Variants in SUGCT observed in about 807,000 individuals in gnomAD.
The protein encoded by SUGCT is succinyl-CoA:glutarate-CoA transferase.
A neutral mutation model predicts 55.0 loss-of-function variants in SUGCT; 41 were observed. That is an observed-to-expected ratio of 0.74 (90% CI 0.58 to 0.97). The LOEUF is 0.97. SUGCT is among the 50% of genes least tolerant of loss of function. The pLI is 0.00. For synonymous variants in SUGCT, 187 were observed against 200.4 expected (o/e 0.93, Z 0.56); for missense variants, 568 against 547.8 (o/e 1.04, Z -0.37).
intron 4 of SUGCT, among the ~76,000 whole-genome samples, chr7:40,189,118 C>T (rs906539842): frequency 7.9e-5 from 12 of 152,120 alleles, no homozygotes; most frequent in East Asian, 5.8e-4. Flanking sequence ...CTGAGGCGGG[C>T]GGATCACGAG....
At chr7:40,999,351 C>T in the SUGCT span, among the ~76,000 whole-genome samples, 1 of 152,054 alleles carries the variant, frequency 6.6e-6, no homozygotes, top group Non-Finnish European at 1.5e-5. Flanking sequence ...TCTTTCAATT[C>T]TTTCATGCCT....
chr7:40,923,621 C>G, the SUGCT span, among the ~76,000 whole-genome samples: 3 of 152,144 alleles, frequency 2.0e-5, no homozygotes, highest in Non-Finnish European at 2.9e-5. Flanking sequence ...AAAGCACTGA[C>G]TGGTCAAGGT....
intron 7 of SUGCT, among the ~76,000 whole-genome samples, chr7:40,251,177 A>T (rs770022870): frequency 6.6e-6 from 1 of 152,028 alleles, no homozygotes; most frequent in Non-Finnish European, 1.5e-5. Flanking sequence ...TCATGTATTG[A>T]TTTCATGTTC....
intron 13 of SUGCT, among the ~76,000 whole-genome samples, chr7:40,766,420 G>C (rs12539159): frequency 0.013 from 2,048 of 152,224 alleles, 143 homozygotes; most frequent in East Asian, 0.092. Context: ...ATGTTGACCA[G>C]GCTGGTCTCG....
intron 12 of SUGCT, among the ~76,000 whole-genome samples, chr7:40,549,768 A>G (rs1418048923): frequency 6.6e-6 from 1 of 152,238 alleles, no homozygotes; most frequent in Non-Finnish European, 1.5e-5. Flanking sequence ...TTGAATATAC[A>G]TAAATGTTTC....
the SUGCT span, among the ~76,000 whole-genome samples, chr7:40,962,689 A>G: frequency 6.4e-4 from 98 of 152,092 alleles, no homozygotes; most frequent in African/African-American, 2.2e-3. Context: ...AAATCCATTC[A>G]TGTCATGAAA....
intron 9 of SUGCT, among the ~76,000 whole-genome samples, chr7:40,373,323 A>AGATTCTAGAAAATTTAGAATCTATG (rs1562724792): frequency 1.8e-4 from 12 of 68,342 alleles, no homozygotes; most frequent in African/African-American, 5.5e-4. Flanking sequence ...TAGAATCTAT[A>AGATTCTAGAAAATTTAGAATCTATG]GATTCTAGAA....
At chr7:40,476,448 T>A (rs569722111) in intron 11 of SUGCT, among the ~76,000 whole-genome samples, 9 of 152,320 alleles carry the variant, frequency 5.9e-5, no homozygotes, top group African/African-American at 1.9e-4. Flanking sequence ...GGGAAAAAAT[T>A]TCTTCACAAA....
At chr7:40,575,716 C>T (rs180767605) in intron 12 of SUGCT, among the ~76,000 whole-genome samples, 2 of 151,954 alleles carry the variant, frequency 1.3e-5, no homozygotes, top group African/African-American at 4.8e-5. Context: ...GAGGCTGAGG[C>T]GGGTGAATCA....
chr7:40,304,099 A>C (rs1206324286), intron 8 of SUGCT, among the ~76,000 whole-genome samples: 1 of 151,786 alleles, frequency 6.6e-6, no homozygotes, highest in Non-Finnish European at 1.5e-5. Flanking sequence ...ACAAAAGAGC[A>C]CCAGGACATA....
At chr7:40,630,990 G>A (rs1039945981) in intron 12 of SUGCT, among the ~76,000 whole-genome samples, 3 of 152,130 alleles carry the variant, frequency 2.0e-5, no homozygotes, top group African/African-American at 7.2e-5. Flanking sequence ...CAGAGTGGCT[G>A]TGTGATTTGA....
chr7:40,978,537 C>T, the SUGCT span, among the ~76,000 whole-genome samples: 4 of 151,978 alleles, frequency 2.6e-5, no homozygotes, highest in South Asian at 4.2e-4. Flanking sequence ...CAGTCAAAAA[C>T]GTGTGAGTGG....
At chr7:40,979,799 A>G in the SUGCT span, 2 of 152,166 alleles carry the variant, frequency 1.3e-5, no homozygotes, top group Non-Finnish European at 2.9e-5. Flanking sequence ...AATATACCCT[A>G]AAAGAGGATA....
chr7:40,818,566 A>G (rs1791800275), intron 13 of SUGCT, among the ~76,000 whole-genome samples: 1 of 152,176 alleles, frequency 6.6e-6, no homozygotes, highest in Non-Finnish European at 1.5e-5. Flanking sequence ...GGACATTAAT[A>G]ATGTAGAAGT....
At chr7:40,506,205 A>G (rs1792582813) in intron 12 of SUGCT, among the ~76,000 whole-genome samples, 1 of 152,002 alleles carries the variant, frequency 6.6e-6, no homozygotes, top group South Asian at 2.1e-4. Context: ...ATTTTTTTCC[A>G]CGTTTTTTTG....
intron 12 of SUGCT, among the ~76,000 whole-genome samples, chr7:40,635,451 A>G (rs780956926): frequency 6.6e-6 from 1 of 152,196 alleles, no homozygotes; most frequent in Non-Finnish European, 1.5e-5. Flanking sequence ...TGAAGAAAAG[A>G]CAATATACAA....
chr7:40,875,215 T>C, the SUGCT span, among the ~76,000 whole-genome samples: 10 of 152,230 alleles, frequency 6.6e-5, no homozygotes, highest in African/African-American at 2.4e-4. Context: ...AGGAAATAAG[T>C]TAGTGTTCAG....
At chr7:40,797,715 A>G (rs10226900) in intron 13 of SUGCT, among the ~76,000 whole-genome samples, 47,635 of 152,082 alleles carry the variant, frequency 0.31, 7,905 homozygotes, top group East Asian at 0.44. Flanking sequence ...GAAAAGCATG[A>G]ACCCCCCCCA....
the SUGCT span, among the ~76,000 whole-genome samples, chr7:40,962,252 G>A: frequency 6.6e-6 from 1 of 152,082 alleles, no homozygotes; most frequent in East Asian, 1.9e-4. Flanking sequence ...ACAGAGCACT[G>A]GTTGGTGCAT....
Sources: allele counts gnomAD v4.1 joint callset (sites outside exome capture counted in the v4.1 genomes callset), GRCh38; gene constraint gnomAD v4.1.1; transcripts MANE v1.5; gene names NCBI Gene and HGNC (gene_info 2026-07-23, HGNC 2026-07-21).